Variants in VPS8 observed in about 807,000 individuals in gnomAD.
VPS8 encodes the protein vacuolar protein sorting-associated protein 8 homolog.
VPS8 carries 129 observed loss-of-function variants against 216.4 expected under a neutral mutation model. The observed-to-expected ratio is 0.60, with a 90% CI of 0.52 to 0.69. VPS8 has a LOEUF of 0.69. Ranked by LOEUF, VPS8 falls within the 30% of genes least tolerant of loss-of-function variation. The pLI, the probability that VPS8 is intolerant of heterozygous loss-of-function variation, is 0.00. For synonymous variants in VPS8, 571 were observed against 565.4 expected, an observed-to-expected ratio of 1.01 and a Z score of -0.14; for missense variants, 1,531 against 1,683.5, an observed-to-expected ratio of 0.91 and a Z score of 1.59.
chr3:184,887,898 G>A (rs940664838), intron 22 of VPS8, among the ~76,000 whole-genome samples: 1 of 152,056 alleles, frequency 6.6e-6, no homozygotes, highest in Non-Finnish European at 1.5e-5. Context: ...GCTTACTTGG[G>A]GCTCAAATTT....
intron 36 of VPS8, among the ~76,000 whole-genome samples, chr3:184,945,443 G>A (rs2109359666): frequency 6.6e-6 from 1 of 152,142 alleles, no homozygotes; most frequent in African/African-American, 2.4e-5. Context: ...GGCAGAAGCA[G>A]GTAATTATGT....
chr3:184,917,050 A>G (rs948377659), intron 28 of VPS8, among the ~76,000 whole-genome samples: 2 of 152,214 alleles, frequency 1.3e-5, no homozygotes, highest in Admixed American at 6.5e-5. Context: ...TAATTATAGC[A>G]CAGTGTAATA....
At chr3:184,978,394 CTCT>C (rs1483248951) in intron 40 of VPS8, among the ~76,000 whole-genome samples, 1 of 151,828 alleles carries the variant, frequency 6.6e-6, no homozygotes, top group Non-Finnish European at 1.5e-5. Flanking sequence ...CTCCCTCCTT[CTCT>C]TCTTCCCTCT....
At chr3:184,871,762 T>A (rs1728395260) in intron 21 of VPS8, among the ~76,000 whole-genome samples, 1 of 152,140 alleles carries the variant, frequency 6.6e-6, no homozygotes, top group Non-Finnish European at 1.5e-5. Flanking sequence ...TTAATGGACA[T>A]ATTTAGAAGA....
intron 30 of VPS8, among the ~76,000 whole-genome samples, chr3:184,926,244 G>A (rs971930763): frequency 6.6e-6 from 1 of 151,850 alleles, no homozygotes; most frequent in Admixed American, 6.6e-5. Flanking sequence ...GGGCGTGGTG[G>A]CGGGCACCTG....
intron 45 of VPS8, among the ~76,000 whole-genome samples, chr3:185,019,745 GA>G (rs1285809991): frequency 2.6e-5 from 4 of 152,218 alleles, no homozygotes; most frequent in Non-Finnish European, 5.9e-5. Flanking sequence ...ATGCTGTAGA[GA>G]TTTTGTTTAT....
rs144549158 is a variant in VPS8, at chr3:184,887,042, T to A, written c.1781+886T>A. On this transcript the variant is annotated intron_variant, in intron 22 of 47. Transcript: ENST00000625842. ...AGGCTTTGTTAGTTTAAATTGTAAC[T>A]ATATAAACTAGCCAACCTGGCTGGA... Among the ~76,000 whole-genome samples the A allele has an allele frequency of 4.6e-3, 698 of 152,316 alleles. 8 individuals are homozygous for A. Among genetic ancestry groups the A allele is most frequent in the African/African-American group, 0.016 (655 of 41,556 alleles).
intron 46 of VPS8, among the ~76,000 whole-genome samples, chr3:185,041,092 C>T (rs941524371): frequency 2.0e-5 from 3 of 151,986 alleles, no homozygotes; most frequent in Non-Finnish European, 2.9e-5. Flanking sequence ...GTAATCCCAG[C>T]TATTCGGGAG....
At chr3:185,001,171 C>A (rs545984095) in intron 45 of VPS8, among the ~76,000 whole-genome samples, 108 of 152,258 alleles carry the variant, frequency 7.1e-4, no homozygotes, top group African/African-American at 2.5e-3. Context: ...ACAGAGTACT[C>A]TCAAGTTTTT....
At chr3:184,858,456 A>G (rs1431741350) in intron 14 of VPS8, among the ~76,000 whole-genome samples, 2 of 152,356 alleles carry the variant, frequency 1.3e-5, no homozygotes, top group East Asian at 3.9e-4. Context: ...TGGGAATTTA[A>G]TCATGCCAAT....
intron 22 of VPS8, chr3:184,893,352 A>G (rs913133202): frequency 8.0e-6 from 10 of 1,251,190 alleles, no homozygotes; most frequent in South Asian, 5.2e-5. Context: ...ACTTTCTACA[A>G]TTGACATGAT....
In VPS8 at chr3:184,870,913, G is replaced by A. The variant is rs562147032; in HGVS notation, c.1734+108G>A. ...TCATTTTTGGTTAAACATTTTTTTA[G>A]TATTCAAAACTTTATTTCAGGGCTT... On this transcript the variant is annotated intron_variant, in intron 21 of 47. Coordinates refer to ENST00000625842, the MANE Select transcript of VPS8 (RefSeq NM_001009921.3). 33 of 976,256 alleles carry A rather than the reference G, an allele frequency of 3.4e-5. No individual in the cohort carries two copies. In the African/African-American group the frequency reaches 5.3e-4, roughly 16 times the overall value. The allele number at this position is 976,256 out of a possible 1,614,324, so 60.5% of individuals were successfully genotyped here.
chr3:185,048,377 G>T, intron 46 of VPS8, 102 bp from the exon 47 acceptor site: 1 of 1,134,578 alleles, frequency 8.8e-7, no homozygotes, highest in Non-Finnish European at 1.3e-6. Context: ...GTTTTCAGGA[G>T]AATGAAGGAA....
intron 24 of VPS8, among the ~76,000 whole-genome samples, chr3:184,899,967 G>T (rs114203604): frequency 0.01 from 1,545 of 152,306 alleles, 24 homozygotes; most frequent in African/African-American, 0.031. Context: ...AGTGTTTAAA[G>T]TTTAGCTATT....
chr3:184,817,728 G>A (rs1194988152), intron 1 of VPS8, among the ~76,000 whole-genome samples: 1 of 152,228 alleles, frequency 6.6e-6, no homozygotes, highest in Non-Finnish European at 1.5e-5. Flanking sequence ...CAACACAGAT[G>A]TTATTCCTGT....
intron 21 of VPS8, among the ~76,000 whole-genome samples, chr3:184,877,712 G>A (rs1368858366): frequency 6.6e-6 from 1 of 152,150 alleles, no homozygotes; most frequent in Non-Finnish European, 1.5e-5. Flanking sequence ...CCTCGACCCT[G>A]TACTGTACTA....
chr3:184,982,035 A>G (rs190157933), intron 40 of VPS8, among the ~76,000 whole-genome samples: 26 of 152,040 alleles, frequency 1.7e-4, no homozygotes, highest in Non-Finnish European at 3.5e-4. Context: ...CTGGTCCGTG[A>G]TGACTTAGGA....
intron 43 of VPS8, 127 bp downstream of exon 43, chr3:184,994,190 A>T: frequency 1.7e-6 from 1 of 604,476 alleles, no homozygotes; most frequent in Non-Finnish European, 2.7e-6. Context: ...ACTGAGGTGT[A>T]TGTGTGTGTA....
chr3:184,879,589 T>C (rs929506391), intron 21 of VPS8, among the ~76,000 whole-genome samples: 1 of 152,198 alleles, frequency 6.6e-6, no homozygotes, highest in Non-Finnish European at 1.5e-5. Context: ...CCATTCTGCT[T>C]TCTTTCAGGG....
Sources: gnomAD v4.1 joint callset for allele counts (sites outside exome capture counted in the v4.1 genomes callset) on GRCh38, gnomAD v4.1.1 for gene constraint, MANE v1.5 for transcripts, NCBI Gene and HGNC (gene_info 2026-07-23, HGNC 2026-07-21) for gene names.